The following CPO variants were observed in gnomAD, a reference collection of about 807,000 sequenced individuals.
The protein encoded by CPO is metallocarboxypeptidase C.
A neutral mutation model predicts 41.2 loss-of-function variants in CPO; 43 were observed. That is an observed-to-expected ratio of 1.04 (90% confidence interval 0.82 to 1.35). The LOEUF is 1.35. Among genes scored for constraint, CPO ranks in the 40% most tolerant of loss-of-function variants. The probability of loss-of-function intolerance (pLI) is 0.00; values close to 1 mark genes in which losing one functional copy is unlikely to be tolerated. For synonymous variants in CPO, 178 were observed against 162.7 expected, an observed-to-expected ratio of 1.09 and a Z score of -0.72; for missense variants, 408 against 451.7, an observed-to-expected ratio of 0.90 and a Z score of 0.88.
intron 7 of CPO, among the ~76,000 whole-genome samples, chr2:206,966,982 G>A (rs1051205745): frequency 6.6e-6 from 1 of 152,152 alleles, no homozygotes; most frequent in African/African-American, 2.4e-5. Flanking sequence ...CTGGGAGAAG[G>A]AGAATCTAAA....
chr2:206,962,834 A>C (rs138154334), intron 7 of CPO, among the ~76,000 whole-genome samples: 1 of 152,360 alleles, frequency 6.6e-6, no homozygotes, highest in Non-Finnish European at 1.5e-5. Flanking sequence ...TGTTTCATAA[A>C]GTGTCAAGTT....
At chr2:206,960,704 T>C in intron 5 of CPO, 148 bp from the exon 6 acceptor site, 1 of 658,882 alleles carries the variant, frequency 1.5e-6, no homozygotes, top group East Asian at 2.6e-5. Context: ...AGACTAAAAA[T>C]TACACACACA....
At chr2:206,963,137 A>T (rs1178205286) in intron 7 of CPO, among the ~76,000 whole-genome samples, 8 of 141,442 alleles carry the variant, frequency 5.7e-5, no homozygotes, top group Admixed American at 5.6e-4. Context: ...AGCGAAATGC[A>T]AGCTGGAGCA....
intron 1 of CPO, among the ~76,000 whole-genome samples, chr2:206,946,688 CATG>C (rs1693152053): frequency 6.6e-6 from 1 of 152,026 alleles, no homozygotes; most frequent in African/African-American, 2.4e-5. Context: ...TTGAAGATGA[CATG>C]ATTATCAATG....
chr2:206,944,580 A>C (rs1693106924), intron 1 of CPO, among the ~76,000 whole-genome samples: 1 of 152,006 alleles, frequency 6.6e-6, no homozygotes, highest in Non-Finnish European at 1.5e-5. Flanking sequence ...TGTTTTAACC[A>C]ATTATTTGGA....
rs569274280 is a variant in CPO, at chr2:206,948,958, T to A, written c.69-659T>A. 2.0e-5 allele frequency among the ~76,000 whole-genome samples: 3 copies of A among 152,154 alleles called. No individual in the cohort carries two copies. The South Asian group carries it at 6.2e-4, about 32-fold the overall frequency. On this transcript the variant is annotated intron_variant, in intron 1 of 8. Coordinates refer to ENST00000272852, the MANE Select transcript of CPO (RefSeq NM_173077.3). ...GGGATGTCTATAGCAGGGAAGATTGTGCATGTGTGAGAATAGCAGGTAAAT... is the reference window on the plus strand; with the variant it reads ...GGGATGTCTATAGCAGGGAAGATTGAGCATGTGTGAGAATAGCAGGTAAAT...
Position 206,958,285 on chromosome 2 carries a change from T to C in CPO, c.268-16T>C, listed in dbSNP as rs1283574628. 4.9e-6 allele frequency: 7 copies of C among 1,427,626 alleles called. No individual in the cohort carries two copies. The highest frequency in any genetic ancestry group is 6.8e-6 in the Non-Finnish European group (7 of 1,027,880). The allele number at this position is 1,427,626 out of a possible 1,614,324, so 88.4% of individuals were successfully genotyped here. On this transcript the variant is annotated splice_polypyrimidine_tract_variant and intron_variant, in intron 3 of 8. Transcript: ENST00000272852. The stretch of plus-strand genomic sequence containing the variant: ...TCAGCAATTGTTTAGTAATGGGGCA[T>C]GGATATCTTCTCCAGATCAGCCAAC...
At chr2:206,943,344 A>G (rs1013904462) in intron 1 of CPO, among the ~76,000 whole-genome samples, 2 of 152,144 alleles carry the variant, frequency 1.3e-5, no homozygotes, top group African/African-American at 4.8e-5. Flanking sequence ...GGAATGAGAG[A>G]CAGGGAGTGG....
intron 1 of CPO, among the ~76,000 whole-genome samples, chr2:206,941,277 G>C (rs1468683483): frequency 6.6e-6 from 1 of 151,844 alleles, no homozygotes; most frequent in East Asian, 1.9e-4. Context: ...ATAGGACAAT[G>C]GGATATTATT....
At chr2:206,955,587 A>T in intron 3 of CPO, 23 bp downstream of exon 3, 1 of 1,203,486 alleles carries the variant, frequency 8.3e-7, no homozygotes, top group Non-Finnish European at 1.2e-6. Flanking sequence ...GCTGAGAATT[A>T]CCTTACCAGG....
chr2:206,968,453 C>T (rs1574358668), intron 8 of CPO, 106 bp downstream of exon 8: 1 of 706,074 alleles, frequency 1.4e-6, no homozygotes, highest in Non-Finnish European at 2.6e-6. Flanking sequence ...TTCCTGGGAT[C>T]AACAGGGAGT....
At chr2:206,939,722 G>A in intron 1 of CPO, 55 bp downstream of exon 1, 1 of 1,480,792 alleles carries the variant, frequency 6.8e-7, no homozygotes, top group Non-Finnish European at 9.4e-7. Context: ...TGTCTAAATT[G>A]AATGGTTTCT....
rs1693212837 is a variant in CPO, at chr2:206,949,665, A to C, written c.117A>C (p.Pro39=). 1.2e-6 allele frequency: 2 copies of C among 1,613,522 alleles called. No individual in the cohort carries two copies. The highest frequency in any genetic ancestry group is 2.7e-5 in the African/African-American group (2 of 75,020). The part of the protein sequence containing the change: ...RQEIVDKSVS[P]WSLETYSYNI... ...AGATTGTGGACAAGTCAGTGAGTCC[A>C]TGGAGCCTGGAGACGTATTCCTATA... The change falls in exon 2 of 9, where the codon CCA becomes CCC. Residue 39 remains proline (P), a synonymous_variant. Coordinates refer to ENST00000272852, the MANE Select transcript of CPO (RefSeq NM_173077.3).
chr2:206,969,138 T>C (rs964534233), intron 8 of CPO, 36 bp from the exon 9 acceptor site: 1 of 1,603,944 alleles, frequency 6.2e-7, no homozygotes, highest in Non-Finnish European at 8.5e-7. Flanking sequence ...TTCCAAAGTA[T>C]GACTTCTACC....
intron 1 of CPO, among the ~76,000 whole-genome samples, chr2:206,945,000 A>G (rs1239035428): frequency 6.6e-6 from 1 of 152,148 alleles, no homozygotes; most frequent in Non-Finnish European, 1.5e-5. Context: ...GCAGCAAAAT[A>G]GGGCTTATGC....
chr2:206,955,420 CA>C (rs1693338943), intron 2 of CPO, 42 bp from the exon 3 acceptor site: 1 of 1,132,784 alleles, frequency 8.8e-7, no homozygotes. Flanking sequence ...GGCATGCAAA[CA>C]ATCTTCCTAC....
chr2:206,965,042 C>A (rs1235564201), intron 7 of CPO, among the ~76,000 whole-genome samples: 1 of 152,098 alleles, frequency 6.6e-6, no homozygotes, highest in Admixed American at 6.6e-5. Context: ...AGCAAGACAG[C>A]AGGAGGGACC....
intron 2 of CPO, among the ~76,000 whole-genome samples, chr2:206,952,734 C>G (rs552165538): frequency 1.3e-5 from 2 of 152,226 alleles, no homozygotes; most frequent in South Asian, 4.2e-4. Context: ...ATAATCAGGT[C>G]TTCTCTAATC....
At chr2:206,966,408 C>T (rs538654546) in intron 7 of CPO, among the ~76,000 whole-genome samples, 2 of 152,102 alleles carry the variant, frequency 1.3e-5, no homozygotes, top group Non-Finnish European at 2.9e-5. Flanking sequence ...CTGCTAGAGA[C>T]TCTTAAAGAA....
Sources: allele counts gnomAD v4.1 joint callset (sites outside exome capture counted in the v4.1 genomes callset), GRCh38; gene constraint gnomAD v4.1.1; transcripts MANE v1.5; gene names NCBI Gene and HGNC (gene_info 2026-07-23, HGNC 2026-07-21).